The following HESX1 variants were observed in gnomAD, a reference collection of about 807,000 sequenced individuals.
HESX1 encodes HESX homeobox 1.
In HESX1, 11 loss-of-function variants were observed where a neutral mutation model predicts 22.5. That is an observed-to-expected ratio of 0.49 (90% CI 0.31 to 0.81). HESX1 has a LOEUF of 0.81. Among genes scored for constraint, HESX1 ranks in the 30% least tolerant of loss-of-function variants. The probability of loss-of-function intolerance (pLI) is 0.05; values close to 1 mark genes in which losing one functional copy is unlikely to be tolerated. For synonymous variants in HESX1, 74 were observed against 76.5 expected, an observed-to-expected ratio of 0.97 and a Z score of 0.17; for missense variants, 201 against 212.6, an observed-to-expected ratio of 0.95 and a Z score of 0.34.
chr3:57,217,266 A>G (rs1192734930), intron 1 of HESX1, among the ~76,000 whole-genome samples: 2 of 152,322 alleles, frequency 1.3e-5, no homozygotes, highest in South Asian at 2.1e-4. Context: ...CATGTGATAC[A>G]TATACACGTT....
At chr3:57,210,939 C>G (rs2060549475) in intron 1 of HESX1, among the ~76,000 whole-genome samples, 1 of 152,162 alleles carries the variant, frequency 6.6e-6, no homozygotes, top group Non-Finnish European at 1.5e-5. Flanking sequence ...TGAGTTTAGG[C>G]TGGGCGCAGT....
chr3:57,213,107 A>T (rs1341939074), intron 1 of HESX1, among the ~76,000 whole-genome samples: 1 of 151,740 alleles, frequency 6.6e-6, no homozygotes, highest in Admixed American at 6.6e-5. Context: ...TCCCTTCAAC[A>T]CCTGCTTGGC....
intron 1 of HESX1, among the ~76,000 whole-genome samples, chr3:57,218,882 AT>A (rs1399380806): frequency 6.6e-6 from 1 of 152,192 alleles, no homozygotes; most frequent in African/African-American, 2.4e-5. Flanking sequence ...GACCATTCAC[AT>A]GCATGTACCT....
At chr3:57,200,086 G>A, upstream of HESX1, 1 of 645,536 alleles carries the variant, frequency 1.5e-6, no homozygotes, top group South Asian at 1.7e-5. Flanking sequence ...GCATGTCAAT[G>A]AACACTTGCC....
chr3:57,209,053 A>G (rs2060536547), intron 1 of HESX1, among the ~76,000 whole-genome samples: 1 of 152,204 alleles, frequency 6.6e-6, no homozygotes, highest in African/African-American at 2.4e-5. Flanking sequence ...ATTATTGTGT[A>G]ATTCTGGATG....
At chr3:57,215,809 G>A (rs570864831) in intron 1 of HESX1, among the ~76,000 whole-genome samples, 28 of 152,084 alleles carry the variant, frequency 1.8e-4, no homozygotes, top group Admixed American at 1.7e-3. Flanking sequence ...ACAGAAAAAT[G>A]TTAACACAAA....
chr3:57,206,329 T>G (rs180974248), intron 1 of HESX1, among the ~76,000 whole-genome samples: 1 of 152,184 alleles, frequency 6.6e-6, no homozygotes, highest in Admixed American at 6.5e-5. Context: ...CTAGGTTTGT[T>G]AACAAAGAGG....
At chr3:57,219,132 T>C (rs185875402) in intron 1 of HESX1, among the ~76,000 whole-genome samples, 1 of 152,334 alleles carries the variant, frequency 6.6e-6, no homozygotes, top group East Asian at 1.9e-4. Flanking sequence ...CCCCTCTTTG[T>C]GTCTTTGTAT....
At chr3:57,210,955 A>G (rs1207468760) in intron 1 of HESX1, among the ~76,000 whole-genome samples, 1 of 152,212 alleles carries the variant, frequency 6.6e-6, no homozygotes, top group Non-Finnish European at 1.5e-5. Flanking sequence ...GCAGTGGCTC[A>G]TGCCTATAAT....
At chr3:57,210,205 A>G (rs968658631) in intron 1 of HESX1, among the ~76,000 whole-genome samples, 5 of 152,242 alleles carry the variant, frequency 3.3e-5, no homozygotes, top group African/African-American at 1.2e-4. Flanking sequence ...ATTAGAGAGA[A>G]GAGATTTTAG....
At position 57,205,137 on chromosome 3, in the gene HESX1, G is replaced by C. The variant is rs528363884; in HGVS notation, c.-110-5109C>G. ...CAAAAAATGGCTCCTGGCTGGGCAT[G>C]GTGGCTCATGCCTATAATCCCAGCA... On this transcript the variant is annotated intron_variant, in intron 1 of 2. Transcript: ENST00000495160. Among the ~76,000 whole-genome samples, 66 of 151,870 alleles carry C rather than the reference G, an allele frequency of 4.3e-4. 1 individual carries two copies. The highest frequency in any genetic ancestry group is 3.5e-3 in the Admixed American group (53 of 15,272).
chr3:57,224,888 C>G (rs913437676), intron 1 of HESX1, among the ~76,000 whole-genome samples: 2 of 152,128 alleles, frequency 1.3e-5, no homozygotes, highest in African/African-American at 4.8e-5. Flanking sequence ...TGAAATGTCT[C>G]AAGGTATATA....
chr3:57,199,067 CAA>C, intron 1 of HESX1, 115 bp from the exon 2 acceptor site: 1 of 981,346 alleles, frequency 1.0e-6, no homozygotes, highest in Non-Finnish European at 1.6e-6. Flanking sequence ...CTGGGGTTCA[CAA>C]GAGAATTGCA....
chr3:57,220,676 C>G (rs565549976), intron 1 of HESX1, among the ~76,000 whole-genome samples: 2 of 152,270 alleles, frequency 1.3e-5, no homozygotes, highest in South Asian at 4.2e-4. Flanking sequence ...AATGATCCAC[C>G]CACCTTGGCC....
In HESX1 at chr3:57,199,754, T is replaced by C; in HGVS notation, c.157+8A>G. 6.2e-7 allele frequency: 1 copy of C among 1,613,850 alleles called. No individual in the cohort carries two copies. Among genetic ancestry groups the C allele is most frequent in the Non-Finnish European group, 8.5e-7 (1 of 1,179,688 alleles). On this transcript the variant is annotated splice_region_variant and intron_variant, in intron 1 of 3. Transcript: ENST00000295934. ...ACAAAGAATTGAAACAATTAAGCTGTGGCATACCTGATGAGCTGCAGGTGT... is the reference window on the plus strand; with the variant it reads ...ACAAAGAATTGAAACAATTAAGCTGCGGCATACCTGATGAGCTGCAGGTGT...
At chr3:57,217,860 G>GTGCTC (rs1379966335) in intron 1 of HESX1, among the ~76,000 whole-genome samples, 23 of 152,118 alleles carry the variant, frequency 1.5e-4, no homozygotes, top group Middle Eastern at 3.4e-3. Context: ...TACCAATTTT[G>GTGCTC]TGCTCTGACA....
chr3:57,209,378 G>A (rs2107575671), intron 1 of HESX1, among the ~76,000 whole-genome samples: 1 of 152,260 alleles, frequency 6.6e-6, no homozygotes, highest in East Asian at 1.9e-4. Context: ...GGGCGCAGTG[G>A]CTCATGCCTG....
At chr3:57,207,356 T>G (rs1429145995) in intron 1 of HESX1, among the ~76,000 whole-genome samples, 1 of 152,230 alleles carries the variant, frequency 6.6e-6, no homozygotes, top group African/African-American at 2.4e-5. Flanking sequence ...AGAAACAACA[T>G]GTCTAACTTT....
intron 1 of HESX1, among the ~76,000 whole-genome samples, chr3:57,223,003 T>C (rs1185256040): frequency 1.3e-5 from 2 of 152,198 alleles, no homozygotes; most frequent in African/African-American, 4.8e-5. Context: ...TAATATTTAA[T>C]AGTTGATAAT....
Sources: gnomAD v4.1 joint callset for allele counts (sites outside exome capture counted in the v4.1 genomes callset) on GRCh38, gnomAD v4.1.1 for gene constraint, MANE v1.5 for transcripts, NCBI Gene and HGNC (gene_info 2026-07-23, HGNC 2026-07-21) for gene names.